The following GRM8 variants were observed in gnomAD, a reference collection of about 807,000 sequenced individuals.
The protein encoded by GRM8 is glutamate metabotropic receptor 8.
GRM8 carries 47 observed loss-of-function variants against 87.2 expected under a neutral mutation model. The observed-to-expected ratio is 0.54, with a 90% CI of 0.43 to 0.69. The LOEUF (loss-of-function observed/expected upper bound fraction) is 0.69. Ranked by LOEUF, GRM8 falls within the 30% of genes least tolerant of loss-of-function variation. The probability of loss-of-function intolerance (pLI) is 0.00; values close to 1 mark genes in which losing one functional copy is unlikely to be tolerated. For synonymous variants in GRM8, 396 were observed against 404.5 expected, an observed-to-expected ratio of 0.98 and a Z score of 0.25; for missense variants, 1,019 against 1,139.2, an observed-to-expected ratio of 0.89 and a Z score of 1.52.
chr7:126,805,172 T>C (rs567939826), intron 6 of GRM8, among the ~76,000 whole-genome samples: 30 of 152,304 alleles, frequency 2.0e-4, no homozygotes, highest in African/African-American at 6.5e-4. Flanking sequence ...TTGACCTTCT[T>C]AATGACTGTC....
chr7:126,673,910 AG>A (rs1806662218), intron 7 of GRM8, among the ~76,000 whole-genome samples: 1 of 152,164 alleles, frequency 6.6e-6, no homozygotes, highest in South Asian at 2.1e-4. Flanking sequence ...CCCTAATCTT[AG>A]TTGGCGTTCG....
chr7:126,777,159 G>C (rs1390693112), intron 6 of GRM8, among the ~76,000 whole-genome samples: 1 of 152,094 alleles, frequency 6.6e-6, no homozygotes, highest in African/African-American at 2.4e-5. Flanking sequence ...CCTCAAAAAA[G>C]AGAAGATTTT....
chr7:127,179,823 T>G (rs1794331986), intron 2 of GRM8, among the ~76,000 whole-genome samples: 2 of 151,916 alleles, frequency 1.3e-5, no homozygotes, highest in Non-Finnish European at 2.9e-5. Context: ...ATACAACCTA[T>G]CAAAACCTCT....
intron 6 of GRM8, among the ~76,000 whole-genome samples, chr7:126,851,032 G>A (rs1477989592): frequency 6.6e-6 from 1 of 152,008 alleles, no homozygotes; most frequent in Non-Finnish European, 1.5e-5. Context: ...CACCTACAAG[G>A]CTTTTCATAC....
intron 3 of GRM8, among the ~76,000 whole-genome samples, chr7:126,920,156 C>G (rs1412095298): frequency 6.6e-6 from 1 of 152,048 alleles, no homozygotes; most frequent in Admixed American, 6.6e-5. Context: ...CTCCATTCAC[C>G]GTGTGAGAAC....
chr7:126,927,981 T>G (rs1805320412), intron 3 of GRM8, among the ~76,000 whole-genome samples: 1 of 152,258 alleles, frequency 6.6e-6, no homozygotes, highest in South Asian at 2.1e-4. Flanking sequence ...TGTCCATCAA[T>G]GATAGACTGG....
At chr7:126,872,812 C>T (rs77934992) in intron 6 of GRM8, among the ~76,000 whole-genome samples, 1,861 of 152,002 alleles carry the variant, frequency 0.012, 24 homozygotes, top group Middle Eastern at 0.027. Flanking sequence ...ATTTCATCAT[C>T]GAAGAAAATA....
rs1820609221 is a variant in GRM8, at chr7:126,786,207, C to T, written c.1157-16142G>A. 2.0e-5 allele frequency among the ~76,000 whole-genome samples: 3 copies of T among 152,154 alleles called. No individual in the cohort carries two copies. In the South Asian group the frequency reaches 6.2e-4, roughly 32 times the overall value. On this transcript the variant is annotated intron_variant, in intron 6 of 10. Transcript: ENST00000339582. ...ACTACAATTTCTAGTTTTCTTGTGC[C>T]CCTTTTCACAGGACACAAGTCACTT...
chr7:126,502,500 T>C (rs1199728155), intron 9 of GRM8, among the ~76,000 whole-genome samples: 1 of 152,046 alleles, frequency 6.6e-6, no homozygotes, highest in Non-Finnish European at 1.5e-5. Flanking sequence ...TAGAGAAAAA[T>C]ATGAATATTT....
chr7:127,040,476 C>A (rs1220808880), intron 3 of GRM8, among the ~76,000 whole-genome samples: 1 of 152,168 alleles, frequency 6.6e-6, no homozygotes, highest in African/African-American at 2.4e-5. Context: ...AGAATCATCT[C>A]ATTTTCTCTC....
Position 127,086,401 on chromosome 7 carries a change from A to G in GRM8, c.727+20095T>C, listed in dbSNP as rs567347532. Among the ~76,000 whole-genome samples, 3 of 152,308 alleles carry G rather than the reference A, an allele frequency of 2.0e-5. No individual in the cohort carries two copies. In the South Asian group the frequency reaches 6.2e-4, roughly 32 times the overall value. ...AGGCGTGAGCCACTGCGCCTGGCCC[A>G]GTATTTTTTTAAACAATTCAGAAAG... On this transcript the variant is annotated intron_variant, in intron 3 of 10. Coordinates refer to ENST00000339582, the MANE Select transcript of GRM8 (RefSeq NM_000845.3).
chr7:127,021,890 C>T (rs1816310935), intron 3 of GRM8, among the ~76,000 whole-genome samples: 1 of 152,032 alleles, frequency 6.6e-6, no homozygotes, highest in South Asian at 2.1e-4. Context: ...TTTTATGTCT[C>T]TGACTTTAGA....
At chr7:127,196,990 C>A (rs1795314277) in intron 2 of GRM8, among the ~76,000 whole-genome samples, 1 of 152,158 alleles carries the variant, frequency 6.6e-6, no homozygotes, top group African/African-American at 2.4e-5. Context: ...CCCATCTCAG[C>A]CTCTCAAGCA....
intron 3 of GRM8, among the ~76,000 whole-genome samples, chr7:127,072,628 A>ACT (rs201938716): frequency 0.015 from 2,109 of 143,718 alleles, 35 homozygotes; most frequent in South Asian, 0.045. Context: ...GAACCCTCAT[A>ACT]TTATACTTTT....
At chr7:126,588,429 C>T (rs1343191480) in intron 8 of GRM8, among the ~76,000 whole-genome samples, 10 of 152,130 alleles carry the variant, frequency 6.6e-5, no homozygotes, top group Admixed American at 2.0e-4. Flanking sequence ...AACTACCATT[C>T]GACCCAGCAA....
intron 7 of GRM8, among the ~76,000 whole-genome samples, chr7:126,720,196 C>T (rs568458671): frequency 3.2e-4 from 48 of 151,364 alleles, no homozygotes; most frequent in South Asian, 2.1e-3. Context: ...TCACCCAGAC[C>T]GGAGTACAGT....
intron 9 of GRM8, among the ~76,000 whole-genome samples, chr7:126,457,266 T>C (rs147032750): frequency 9.0e-4 from 137 of 151,528 alleles, no homozygotes; most frequent in African/African-American, 3.1e-3. Flanking sequence ...AGAAAGAAAT[T>C]ATTGGAGATA....
intron 9 of GRM8, among the ~76,000 whole-genome samples, chr7:126,513,694 A>G (rs1363179577): frequency 6.6e-6 from 1 of 152,134 alleles, no homozygotes; most frequent in African/African-American, 2.4e-5. Flanking sequence ...GTAGGACTGA[A>G]GTCAAGTGAA....
At chr7:127,041,567 T>C (rs1411448853) in intron 3 of GRM8, among the ~76,000 whole-genome samples, 1 of 152,236 alleles carries the variant, frequency 6.6e-6, no homozygotes, top group African/African-American at 2.4e-5. Context: ...CAGGCAATTA[T>C]AGTACAATGT....
Sources: gnomAD v4.1 joint callset for allele counts (sites outside exome capture counted in the v4.1 genomes callset) on GRCh38, gnomAD v4.1.1 for gene constraint, MANE v1.5 for transcripts, NCBI Gene and HGNC (gene_info 2026-07-23, HGNC 2026-07-21) for gene names.